Variants in SEC24D observed in about 807,000 individuals in gnomAD.
The protein encoded by SEC24D is protein transport protein Sec24D.
Under a neutral mutation model 116.9 loss-of-function variants are expected in SEC24D, and 69 were observed. That is an observed-to-expected ratio of 0.59 (90% CI 0.49 to 0.72). The LOEUF is 0.72. Among genes scored for constraint, SEC24D ranks in the 30% least tolerant of loss-of-function variants. The probability of loss-of-function intolerance (pLI) is 0.00; values close to 1 mark genes in which losing one functional copy is unlikely to be tolerated. For missense variants in SEC24D, 1,131 were observed against 1,264.1 expected (o/e 0.89, Z 1.60); for synonymous variants, 405 against 442.8 (o/e 0.91, Z 1.07).
intron 8 of SEC24D, among the ~76,000 whole-genome samples, chr4:118,784,669 A>C (rs1728581107): frequency 6.6e-6 from 1 of 152,158 alleles, no homozygotes; most frequent in Admixed American, 6.5e-5. Context: ...TTTCCCAAAC[A>C]ACAAATAATA....
In SEC24D at chr4:118,832,516, G is replaced by T. The variant is rs78841517; in HGVS notation, c.118+1063C>A. Among the ~76,000 whole-genome samples, 778 of 152,216 alleles carry T rather than the reference G, an allele frequency of 5.1e-3. 7 individuals are homozygous for T. Among genetic ancestry groups the T allele is most frequent in the African/African-American group, 0.018 (746 of 41,530 alleles). ...TTCTCAAGAAGATGCCTGTGAAGAG[G>T]GAAGGGTGAATAATATAGAGTGTTA... is the stretch of plus-strand genomic sequence containing the variant. On this transcript the variant is annotated intron_variant, in intron 2 of 22. Transcript: ENST00000280551.
At chr4:118,833,150 A>G (rs1031327514) in intron 2 of SEC24D, 3 of 154,030 alleles carry the variant, frequency 1.9e-5, no homozygotes, top group Admixed American at 6.5e-5. Flanking sequence ...TCATTGATTT[A>G]TACATGGTCC....
chr4:118,808,163 G>A (rs191622359), intron 6 of SEC24D, among the ~76,000 whole-genome samples: 3 of 152,238 alleles, frequency 2.0e-5, no homozygotes, highest in Admixed American at 6.5e-5. Flanking sequence ...GTCTAACTTT[G>A]TTGACCAGGC....
chr4:118,793,572 G>T (rs1218033025), intron 8 of SEC24D, among the ~76,000 whole-genome samples: 1 of 151,756 alleles, frequency 6.6e-6, no homozygotes, highest in East Asian at 1.9e-4. Context: ...CCCTAATGTT[G>T]GTGGCTCTCC....
intron 3 of SEC24D, among the ~76,000 whole-genome samples, chr4:118,819,197 CA>C (rs1730283055): frequency 6.6e-6 from 1 of 152,068 alleles, no homozygotes; most frequent in Admixed American, 6.6e-5. Context: ...AAGACGAAAA[CA>C]TTTCTTCTTT....
rs553394253 is a variant in SEC24D at position 118,797,580 on chromosome 4, C to T, written c.1041+103G>A. 1.3e-5 allele frequency: 11 copies of T among 839,206 alleles called. No homozygotes were observed. In the South Asian group the frequency reaches 2.6e-4, roughly 20 times the overall value. The allele number at this position is 839,206 out of a possible 1,614,324, so 52.0% of individuals were successfully genotyped here. A position where few individuals can be genotyped will look rare whatever the true frequency, so the allele number is the denominator to read the frequency against. On this transcript the variant is annotated intron_variant, in intron 8 of 22. Transcript: ENST00000280551. ...TGTTTTGCATTATAAAAATATATTC[C>T]AGTTTCCTGTTTATATTATAGAATA... is the stretch of plus-strand genomic sequence containing the variant.
intron 8 of SEC24D, among the ~76,000 whole-genome samples, chr4:118,777,343 A>T (rs915816377): frequency 1.3e-5 from 2 of 151,946 alleles, no homozygotes; most frequent in African/African-American, 4.8e-5. Context: ...TCAATTCCCA[A>T]CTATGAATGA....
At chr4:118,815,852 G>T in intron 4 of SEC24D, 126 bp from the exon 5 acceptor site, 2 of 1,043,372 alleles carry the variant, frequency 1.9e-6, no homozygotes, top group Non-Finnish European at 1.4e-6. Context: ...AGAAACACAT[G>T]TTTGGGTTTT....
At chr4:118,729,482 G>C (rs1725573254) in intron 21 of SEC24D, 1 of 152,128 alleles carries the variant, frequency 6.6e-6, no homozygotes. Context: ...CGAGAGAAAA[G>C]AATGTACTTT....
intron 19 of SEC24D, among the ~76,000 whole-genome samples, chr4:118,734,248 C>G (rs191598814): frequency 3.8e-4 from 58 of 151,700 alleles, no homozygotes; most frequent in African/African-American, 1.3e-3. Context: ...GAGTCTCACT[C>G]TGTTGCCCAG....
At chr4:118,734,250 G>A (rs1375380279) in intron 19 of SEC24D, among the ~76,000 whole-genome samples, 1 of 151,468 alleles carries the variant, frequency 6.6e-6, no homozygotes, top group East Asian at 1.9e-4. Flanking sequence ...GTCTCACTCT[G>A]TTGCCCAGGC....
At chr4:118,825,450 CTT>C (rs1578479202) in intron 2 of SEC24D, 2 of 420,020 alleles carry the variant, frequency 4.8e-6, no homozygotes, top group East Asian at 1.4e-4. Context: ...CCTTTAAAGA[CTT>C]CTCTTTGGAA....
intron 2 of SEC24D, among the ~76,000 whole-genome samples, chr4:118,825,960 G>A (rs377345685): frequency 6.6e-6 from 1 of 151,682 alleles, no homozygotes; most frequent in African/African-American, 2.4e-5. Context: ...TTCTTATATT[G>A]TCATCATAAT....
chr4:118,736,137 C>A (rs116171727), intron 19 of SEC24D: 1 of 143,616 alleles, frequency 7.0e-6, no homozygotes, highest in African/African-American at 2.6e-5. Context: ...TCCTAAGTAA[C>A]TGGGATTAGA....
chr4:118,803,232 T>C (rs992565165), intron 7 of SEC24D, among the ~76,000 whole-genome samples: 1 of 152,204 alleles, frequency 6.6e-6, no homozygotes, highest in African/African-American at 2.4e-5. Flanking sequence ...AATTGTATAC[T>C]TAAAAATGGT....
At chr4:118,780,625 T>C (rs1354178000) in intron 8 of SEC24D, among the ~76,000 whole-genome samples, 1 of 152,218 alleles carries the variant, frequency 6.6e-6, no homozygotes, top group Non-Finnish European at 1.5e-5. Flanking sequence ...GTCTGCTTGG[T>C]GCAGAGCTGA....
chr4:118,743,994 A>C lies in SEC24D; in HGVS notation c.1989T>G (p.Asn663Lys). 6.3e-7 allele frequency: 1 copy of C among 1,595,410 alleles called. No homozygotes were observed. The change falls in exon 15 of 23, where the codon AAT (asparagine) becomes AAG (lysine). Residue 663 changes from asparagine to lysine, a missense_variant. Physicochemically the swap from Asn to Lys is moderately conservative, Grantham distance 94. Transcript: ENST00000280551. ...ACAAATTGCTGGCATTTACCTGGAA[A>C]TTGTTGTATTTGTAAAGGGTTCCTC... ...LTGGTLYKYN[N>K]FQMHLDRQQF...
intron 2 of SEC24D, among the ~76,000 whole-genome samples, chr4:118,828,950 A>G (rs753590146): frequency 1.3e-5 from 2 of 152,086 alleles, no homozygotes; most frequent in Non-Finnish European, 2.9e-5. Flanking sequence ...ATCCCAGCAA[A>G]CTGCTTCCCG....
intron 13 of SEC24D, among the ~76,000 whole-genome samples, chr4:118,747,504 G>C (rs963519765): frequency 6.6e-5 from 10 of 152,144 alleles, no homozygotes; most frequent in Middle Eastern, 3.4e-3. Flanking sequence ...AACCTCAGGT[G>C]ATCCGCCCAC....
Sources: gnomAD v4.1 joint callset for allele counts (sites outside exome capture counted in the v4.1 genomes callset) on GRCh38, gnomAD v4.1.1 for gene constraint, MANE v1.5 for transcripts, NCBI Gene and HGNC (gene_info 2026-07-23, HGNC 2026-07-21) for gene names.